The following F13A1 variants were observed in gnomAD, a reference collection of about 807,000 sequenced individuals.
F13A1 encodes FSF, A subunit.
Under a neutral mutation model 80.1 loss-of-function variants are expected in F13A1, and 47 were observed. The observed-to-expected ratio is 0.59, with a 90% CI of 0.46 to 0.75. F13A1 has a LOEUF of 0.75. Ranked by LOEUF, F13A1 falls within the 30% of genes least tolerant of loss-of-function variation. F13A1 has a pLI of 0.00. For synonymous variants in F13A1, 349 were observed against 344.9 expected (o/e 1.01, Z -0.13); for missense variants, 817 against 930.4 (o/e 0.88, Z 1.59).
chr6:6,227,088 C>A (rs556563435), intron 6 of F13A1, among the ~76,000 whole-genome samples: 1 of 152,230 alleles, frequency 6.6e-6, no homozygotes, highest in East Asian at 1.9e-4. Flanking sequence ...GTAGGCAATA[C>A]CGAACGAAAT....
chr6:6,274,037 T>C (rs1053667527), intron 3 of F13A1, among the ~76,000 whole-genome samples: 1 of 152,246 alleles, frequency 6.6e-6, no homozygotes, highest in African/African-American at 2.4e-5. Context: ...TAAGTTGCCA[T>C]TGGCAGATTA....
At chr6:6,259,672 G>A (rs896551135) in intron 4 of F13A1, among the ~76,000 whole-genome samples, 7 of 152,062 alleles carry the variant, frequency 4.6e-5, no homozygotes, top group South Asian at 2.1e-4. Context: ...GACAGGGTGC[G>A]GCGAACCTAG....
chr6:6,157,192 C>A (rs116394840), intron 13 of F13A1, among the ~76,000 whole-genome samples: 3,341 of 152,234 alleles, frequency 0.022, 48 homozygotes, highest in Middle Eastern at 0.048. Flanking sequence ...GCATTCTGTT[C>A]ATCAGTTTAC....
At chr6:6,244,605 A>G (rs1757529857) in intron 6 of F13A1, among the ~76,000 whole-genome samples, 1 of 152,194 alleles carries the variant, frequency 6.6e-6, no homozygotes, top group South Asian at 2.1e-4. Context: ...CAGCAACTCA[A>G]TATAAGAACA....
Position 6,250,991 on chromosome 6 carries a change from G to A in F13A1, c.572-62C>T. The A allele has an allele frequency of 1.7e-6, 2 of 1,188,794 alleles. No individual in the cohort carries two copies. Among genetic ancestry groups the A allele is most frequent in the South Asian group, 2.4e-5 (2 of 82,788 alleles). The allele number at this position is 1,188,794 out of a possible 1,614,324, so 73.6% of individuals were successfully genotyped here. ...CCAGACTGTTTCCAAACACTTGCAA[G>A]TTTATGCAAGTTTATTTTGTTTCTA... On this transcript the variant is annotated intron_variant, in intron 4 of 14. Transcript: ENST00000264870. The surrounding 1 kb of genome is among the most constrained non-coding windows in gnomAD (Gnocchi z 4.2).
intron 10 of F13A1, among the ~76,000 whole-genome samples, chr6:6,194,190 T>G (rs1176914303): frequency 6.6e-6 from 1 of 152,154 alleles, no homozygotes; most frequent in Non-Finnish European, 1.5e-5. Context: ...TCCACAAGGC[T>G]GTCAGCACCT....
chr6:6,199,045 T>G (rs1246455366), intron 8 of F13A1, among the ~76,000 whole-genome samples: 3 of 152,196 alleles, frequency 2.0e-5, no homozygotes, highest in African/African-American at 4.8e-5. Context: ...GGCTGGAGCA[T>G]AGCGTGTTTG....
chr6:6,175,536 A>G (rs1423326009), intron 11 of F13A1, among the ~76,000 whole-genome samples: 2 of 152,086 alleles, frequency 1.3e-5, no homozygotes, highest in Non-Finnish European at 2.9e-5. Flanking sequence ...TAAAAAGGCG[A>G]CCCTGCCCAA....
chr6:6,296,695 G>C (rs1758333601), intron 3 of F13A1, among the ~76,000 whole-genome samples: 1 of 147,134 alleles, frequency 6.8e-6, no homozygotes, highest in African/African-American at 2.6e-5. Context: ...TCTGCAAACA[G>C]GGACAATTTG....
At chr6:6,217,923 A>G (rs1303930781) in intron 8 of F13A1, among the ~76,000 whole-genome samples, 1 of 152,198 alleles carries the variant, frequency 6.6e-6, no homozygotes, top group Non-Finnish European at 1.5e-5. Context: ...TTTATGCATT[A>G]AAAATTTTTT....
At chr6:6,220,587 C>G (rs574056405) in intron 8 of F13A1, among the ~76,000 whole-genome samples, 17 of 144,878 alleles carry the variant, frequency 1.2e-4, no homozygotes, top group Admixed American at 1.4e-4. Context: ...GTGTGTGTGT[C>G]TGTGTGTTTT....
chr6:6,225,109 G>A lies in F13A1; in HGVS notation c.799-249C>T, dbSNP rs140608964. 3.3e-4 allele frequency among the ~76,000 whole-genome samples: 51 copies of A among 152,350 alleles called. No individual in the cohort carries two copies. In the East Asian group the frequency reaches 8.3e-3, roughly 25 times the overall value. ...ATATTATAGCAAGGCAAAGTTGAAC[G>A]GCAGATAGGAGGAGTGTGACACCTA... On this transcript the variant is annotated intron_variant, in intron 6 of 14. Coordinates refer to ENST00000264870, the MANE Select transcript of F13A1 (RefSeq NM_000129.4).
intron 13 of F13A1, among the ~76,000 whole-genome samples, chr6:6,154,049 C>A (rs1455312364): frequency 1.3e-5 from 2 of 150,470 alleles, no homozygotes; most frequent in Non-Finnish European, 2.9e-5. Context: ...AGATCTTGAA[C>A]TCTAAGATAG....
At chr6:6,267,387 A>G (rs1295955625) in intron 3 of F13A1, among the ~76,000 whole-genome samples, 2 of 152,218 alleles carry the variant, frequency 1.3e-5, no homozygotes, top group Non-Finnish European at 2.9e-5. Context: ...TTGAAGACTC[A>G]TGGGACTCAC....
chr6:6,185,468 G>A (rs1042190670), intron 10 of F13A1, among the ~76,000 whole-genome samples: 12 of 149,976 alleles, frequency 8.0e-5, no homozygotes, highest in East Asian at 4.0e-4. Context: ...GAGAATATGC[G>A]GTGTTTGGTT....
intron 6 of F13A1, among the ~76,000 whole-genome samples, chr6:6,240,560 T>C (rs1424568180): frequency 6.6e-6 from 1 of 152,200 alleles, no homozygotes; most frequent in Non-Finnish European, 1.5e-5. Context: ...ACCAGCAACC[T>C]TGGATAAAGT....
intron 3 of F13A1, among the ~76,000 whole-genome samples, chr6:6,302,739 G>A (rs1450536693): frequency 6.6e-6 from 1 of 152,092 alleles, no homozygotes; most frequent in East Asian, 1.9e-4. Flanking sequence ...TATTATGATA[G>A]CTATGACATC....
intron 13 of F13A1, among the ~76,000 whole-genome samples, chr6:6,165,939 C>T (rs1488188584): frequency 6.6e-6 from 1 of 152,268 alleles, no homozygotes; most frequent in Non-Finnish European, 1.5e-5. Context: ...ACAATGTAGG[C>T]CTTTGTAGAA....
intron 10 of F13A1, among the ~76,000 whole-genome samples, chr6:6,190,537 G>T (rs556319614): frequency 1.1e-4 from 16 of 151,018 alleles, no homozygotes; most frequent in African/African-American, 2.4e-4. Flanking sequence ...AGGCTGCTCG[G>T]GGGTCAGGGG....
Sources: allele counts gnomAD v4.1 joint callset (sites outside exome capture counted in the v4.1 genomes callset), GRCh38; gene constraint gnomAD v4.1.1; non-coding constraint Gnocchi (gnomAD v3.1); transcripts MANE v1.5; gene names NCBI Gene and HGNC (gene_info 2026-07-23, HGNC 2026-07-21).